ABCA4: variants seen among roughly 807,000 people sequenced by gnomAD.
ABCA4 encodes ATP binding cassette subfamily A member 4.
Under a neutral mutation model 263.7 loss-of-function variants are expected in ABCA4, and 196 were observed. The ratio of observed to expected loss-of-function variants is 0.74; its 90% CI spans 0.66 to 0.84. ABCA4 has a LOEUF of 0.84. Ranked by LOEUF, ABCA4 falls within the 40% of genes least tolerant of loss-of-function variation. ABCA4 has a pLI of 0.00. For missense variants in ABCA4, 2,792 were observed against 2,855.1 expected (o/e 0.98, Z 0.50); for synonymous variants, 1,133 against 1,094.2 (o/e 1.04, Z -0.70).
chr1:94,042,426 A>C (rs1660517777), intron 22 of ABCA4, among the ~76,000 whole-genome samples: 1 of 152,180 alleles, frequency 6.6e-6, no homozygotes, highest in African/African-American at 2.4e-5. Context: ...TGGAGCTTCT[A>C]GGTATGTTTG....
intron 47 of ABCA4, among the ~76,000 whole-genome samples, chr1:93,998,567 T>G (rs987664295): frequency 1.1e-4 from 16 of 152,088 alleles, no homozygotes; most frequent in African/African-American, 2.7e-4. Context: ...CATAGACCTG[T>G]GTACATACTG....
In ABCA4 at chr1:94,112,052, C is replaced by G. The variant is rs543884114; in HGVS notation, c.161-473G>C. ...GAGTCTGATGGACAGGAGGCTGATT[C>G]AGAACTGGGGCCTGAAACTCATGAA... On this transcript the variant is annotated intron_variant, in intron 2 of 49. Coordinates refer to ENST00000370225, the MANE Select transcript of ABCA4 (RefSeq NM_000350.3). 2.0e-5 allele frequency among the ~76,000 whole-genome samples: 3 copies of G among 152,292 alleles called. No individual in the cohort carries two copies. In the South Asian group the frequency reaches 6.2e-4, roughly 32 times the overall value.
At chr1:94,088,985 G>A (rs1325508994) in intron 6 of ABCA4, among the ~76,000 whole-genome samples, 1 of 152,168 alleles carries the variant, frequency 6.6e-6, no homozygotes, top group African/African-American at 2.4e-5. Context: ...TCACTTGAGT[G>A]TGGGTGGGAG....
At chr1:94,029,358 T>C in intron 30 of ABCA4, 87 bp downstream of exon 30, 1 of 1,260,380 alleles carries the variant, frequency 7.9e-7, no homozygotes, top group Non-Finnish European at 1.1e-6. Flanking sequence ...AAATGTTAGT[T>C]TGTGAGAGAC....
chr1:94,014,808 T>A, intron 37 of ABCA4, 118 bp from the exon 38 acceptor site: 1 of 1,310,490 alleles, frequency 7.6e-7, no homozygotes, highest in Admixed American at 1.7e-5. Context: ...CTGGCCAGAG[T>A]CCCAGGGGAC....
Position 94,001,111 on chromosome 1 carries a change from G to C in ABCA4, c.6283-6C>G. ...ATCCCTGTGGTGGGCTCATCCTGGG[G>C]GGTGGAGAGAAGGTTGGGGGCACAG... On this transcript the variant is annotated splice_region_variant and splice_polypyrimidine_tract_variant and intron_variant, in intron 45 of 49. Coordinates refer to ENST00000370225, the MANE Select transcript of ABCA4 (RefSeq NM_000350.3). The C allele has an allele frequency of 6.2e-7, 1 of 1,612,064 alleles. No individual in the cohort carries two copies. The highest frequency in any genetic ancestry group is 8.5e-7 in the Non-Finnish European group (1 of 1,178,688).
At chr1:94,108,801 C>G in intron 3 of ABCA4, 85 bp from the exon 4 acceptor site, 2 of 1,440,986 alleles carry the variant, frequency 1.4e-6, no homozygotes, top group Non-Finnish European at 1.9e-6. Flanking sequence ...TTTTTTTTAT[C>G]TCGCTCTGTC....
At chr1:94,094,239 G>C (rs1439222824) in intron 6 of ABCA4, among the ~76,000 whole-genome samples, 1 of 152,204 alleles carries the variant, frequency 6.6e-6, no homozygotes, top group Non-Finnish European at 1.5e-5. Flanking sequence ...AGCAGCAACT[G>C]TGGCAACTCT....
At chr1:94,009,148 C>A (rs1659480504) in intron 40 of ABCA4, among the ~76,000 whole-genome samples, 1 of 152,082 alleles carries the variant, frequency 6.6e-6, no homozygotes. Flanking sequence ...CTACTTCAAC[C>A]ATGTGATGAG....
At chr1:94,031,562 C>T (rs1660201801) in intron 27 of ABCA4, among the ~76,000 whole-genome samples, 1 of 152,188 alleles carries the variant, frequency 6.6e-6, no homozygotes, top group South Asian at 2.1e-4. Context: ...CACTATTATT[C>T]TATTTTCTTT....
At chr1:94,045,665 G>C in intron 19 of ABCA4, 1 of 442,536 alleles carries the variant, frequency 2.3e-6, no homozygotes. Context: ...ATCTGAACTT[G>C]TCCTGATGGA....
At chr1:94,109,829 C>G (rs567952164) in intron 3 of ABCA4, among the ~76,000 whole-genome samples, 1 of 152,184 alleles carries the variant, frequency 6.6e-6, no homozygotes, top group African/African-American at 2.4e-5. Flanking sequence ...GGTTTCCGTG[C>G]CTTGCAAGCA....
intron 11 of ABCA4, among the ~76,000 whole-genome samples, chr1:94,069,793 G>A (rs934887401): frequency 6.6e-6 from 1 of 152,160 alleles, no homozygotes; most frequent in Non-Finnish European, 1.5e-5. Flanking sequence ...TATCTTGCAC[G>A]CTGGGCACCG....
At chr1:94,063,548 A>C (rs1472577555) in intron 11 of ABCA4, among the ~76,000 whole-genome samples, 1 of 152,242 alleles carries the variant, frequency 6.6e-6, no homozygotes, top group African/African-American at 2.4e-5. Flanking sequence ...TTATCCCTGC[A>C]GAGCTAGTGA....
intron 41 of ABCA4, 57 bp from the exon 42 acceptor site, chr1:94,008,354 G>A (rs1256723661): frequency 3.2e-6 from 5 of 1,551,874 alleles, no homozygotes. Context: ...GCAAGGAGGG[G>A]AAGAGGGAAC....
chr1:94,026,974 G>A (rs1362277881), intron 30 of ABCA4, among the ~76,000 whole-genome samples: 2 of 152,022 alleles, frequency 1.3e-5, no homozygotes, highest in Admixed American at 1.3e-4. Context: ...GAGAGAATGA[G>A]AAAGAGATTG....
Position 94,043,429 on chromosome 1 carries a change from T to C in ABCA4, c.3097A>G (p.Lys1033Glu), listed in dbSNP as rs771234031. The change falls in exon 21 of 50, where the codon AAG (lysine) becomes GAG (glutamate). Residue 1033 changes from lysine to glutamate, a missense_variant. By Grantham distance (56) the Lys-to-Glu change is moderately conservative (BLOSUM62 1). Transcript: ENST00000370225. ...TCCAGCTGGGCCTCCTCCTGGGACTTTCCTTTCAGCTGGGCATAGAACAGC... is the reference window on the plus strand; with the variant it reads ...TCCAGCTGGGCCTCCTCCTGGGACTCTCCTTTCAGCTGGGCATAGAACAGC... ...HMLFYAQLKG[K>E]SQEEAQLEME... 1.9e-5 allele frequency: 31 copies of C among 1,614,044 alleles called. No homozygotes were observed. The highest frequency in any genetic ancestry group is 2.6e-5 in the Non-Finnish European group (31 of 1,180,042).
intron 7 of ABCA4, 102 bp from the exon 8 acceptor site, chr1:94,080,820 G>T (rs1290339079): frequency 4.0e-6 from 6 of 1,518,060 alleles, no homozygotes; most frequent in Non-Finnish European, 5.5e-6. Context: ...ACATTTAAAA[G>T]AAAACATCCA....
At position 94,019,674 on chromosome 1, in the gene ABCA4, T is replaced by C. The variant is rs1456520760; in HGVS notation, c.5104A>G (p.Ile1702Val). 1 of 1,613,574 alleles carries C rather than the reference T, an allele frequency of 6.2e-7. No homozygotes were observed. Among genetic ancestry groups the C allele is most frequent in the Non-Finnish European group, 8.5e-7 (1 of 1,179,838 alleles). ...TTGGATTTGTTCACCCGCTCCTGGA[T>C]CAAATAAAGGACAAAGCTGGCTGGG... ...FVPASFVLYL[I>V]QERVNKSKHL... The change falls in exon 36 of 50, where the codon ATC becomes GTC. Residue 1702 changes from isoleucine to valine, a missense_variant. Coordinates refer to ENST00000370225, the MANE Select transcript of ABCA4 (RefSeq NM_000350.3).
Sources: allele counts gnomAD v4.1 joint callset (sites outside exome capture counted in the v4.1 genomes callset), GRCh38; gene constraint gnomAD v4.1.1; transcripts MANE v1.5; gene names NCBI Gene and HGNC (gene_info 2026-07-23, HGNC 2026-07-21).